Variants in DLGAP1 observed in about 807,000 individuals in gnomAD.
DLGAP1 encodes the protein DLG associated protein 1.
In DLGAP1, 11 loss-of-function variants were observed where a neutral mutation model predicts 90.8. The observed-to-expected ratio is 0.12, with a 90% confidence interval of 0.08 to 0.20. The LOEUF (loss-of-function observed/expected upper bound fraction) is 0.20, where lower values mean the gene tolerates loss of function less well. Among genes scored for constraint, DLGAP1 ranks in the 10% least tolerant of loss-of-function variants. The probability of loss-of-function intolerance (pLI) is 1.00; values close to 1 mark genes in which losing one functional copy is unlikely to be tolerated. For missense variants in DLGAP1, 1,050 were observed against 1,333.8 expected (o/e 0.79, Z 3.31); for synonymous variants, 558 against 540.7 (o/e 1.03, Z -0.44).
chr18:3,818,186 C>T (rs569218211), intron 4 of DLGAP1, among the ~76,000 whole-genome samples: 1 of 152,124 alleles, frequency 6.6e-6, no homozygotes, highest in Admixed American at 6.5e-5. Context: ...TTTGATGAAA[C>T]AAAATGAGGA....
intron 2 of DLGAP1, among the ~76,000 whole-genome samples, chr18:4,066,116 G>C (rs2075366933): frequency 6.6e-6 from 1 of 152,012 alleles, no homozygotes; most frequent in African/African-American, 2.4e-5. Flanking sequence ...ATATGCAGAA[G>C]ACTAAAACTG....
intron 5 of DLGAP1, among the ~76,000 whole-genome samples, chr18:3,755,863 A>G (rs1431957673): frequency 2.0e-5 from 3 of 152,224 alleles, no homozygotes; most frequent in African/African-American, 7.2e-5. Context: ...ACCAGAATAC[A>G]TACTATTTTC....
At chr18:4,237,163 A>G (rs889435636) in intron 1 of DLGAP1, among the ~76,000 whole-genome samples, 1 of 152,190 alleles carries the variant, frequency 6.6e-6, no homozygotes, top group South Asian at 2.1e-4. Context: ...GAACTCGCCA[A>G]TTAATTACCA....
At chr18:4,283,720 A>C (rs575017591) in intron 1 of DLGAP1, among the ~76,000 whole-genome samples, 4 of 152,346 alleles carry the variant, frequency 2.6e-5, no homozygotes, top group Admixed American at 6.5e-5. Flanking sequence ...TGAAGATAAA[A>C]TTCATAGACA....
At position 3,763,156 on chromosome 18, in the gene DLGAP1, C is replaced by T. The variant is rs138509286; in HGVS notation, c.1173-20644G>A. On this transcript the variant is annotated intron_variant, in intron 5 of 12. Coordinates refer to ENST00000315677, the MANE Select transcript of DLGAP1 (RefSeq NM_004746.4). ...GACCCACCCTTAATTTGGGTGGACA[C>T]CATCTAATCAGCTGCCAGCCCAGCC... Among the ~76,000 whole-genome samples, 162 of 152,280 alleles carry T rather than the reference C, an allele frequency of 1.1e-3. 1 individual carries two copies. The highest frequency in any genetic ancestry group is 3.8e-3 in the African/African-American group (157 of 41,584).
At chr18:3,552,814 T>C (rs2053550203) in intron 9 of DLGAP1, among the ~76,000 whole-genome samples, 1 of 152,184 alleles carries the variant, frequency 6.6e-6, no homozygotes, top group Non-Finnish European at 1.5e-5. Flanking sequence ...GAGCGCCCAA[T>C]GCCACCCATC....
chr18:3,682,864 T>C (rs2060569259), intron 7 of DLGAP1, among the ~76,000 whole-genome samples: 1 of 151,872 alleles, frequency 6.6e-6, no homozygotes, highest in Admixed American at 6.6e-5. Flanking sequence ...TCTTTCTTTT[T>C]TTTTTTTTTC....
chr18:3,779,206 A>C (rs969044554), intron 5 of DLGAP1, among the ~76,000 whole-genome samples: 1 of 152,028 alleles, frequency 6.6e-6, no homozygotes, highest in Non-Finnish European at 1.5e-5. Context: ...GGAAGGATTA[A>C]TCCTTAAAAG....
chr18:4,209,386 T>A (rs557492342), intron 1 of DLGAP1, among the ~76,000 whole-genome samples: 1 of 152,332 alleles, frequency 6.6e-6, no homozygotes, highest in South Asian at 2.1e-4. Context: ...AAGTTATATA[T>A]GTACGAGTCA....
intron 8 of DLGAP1, among the ~76,000 whole-genome samples, chr18:3,568,754 T>C (rs1351328217): frequency 1.3e-5 from 2 of 152,248 alleles, no homozygotes; most frequent in South Asian, 4.1e-4. Flanking sequence ...TGGCACGATC[T>C]CGGCTCACCG....
At chr18:3,702,829 C>T (rs1487774531) in intron 7 of DLGAP1, among the ~76,000 whole-genome samples, 4 of 152,094 alleles carry the variant, frequency 2.6e-5, no homozygotes, top group Admixed American at 6.5e-5. Flanking sequence ...ATGACAGGCT[C>T]GCTCCTGCAG....
intron 1 of DLGAP1, among the ~76,000 whole-genome samples, chr18:4,354,563 C>A (rs945086311): frequency 6.6e-6 from 1 of 152,134 alleles, no homozygotes; most frequent in African/African-American, 2.4e-5. Flanking sequence ...GCTCCCATGT[C>A]ACGCAAACCT....
intron 4 of DLGAP1, among the ~76,000 whole-genome samples, chr18:3,851,891 T>A (rs2069363325): frequency 6.6e-6 from 1 of 152,098 alleles, no homozygotes; most frequent in Non-Finnish European, 1.5e-5. Context: ...AACAGGAGGT[T>A]ACTGGTACAC....
intron 5 of DLGAP1, among the ~76,000 whole-genome samples, chr18:3,808,644 A>G (rs1486217739): frequency 6.6e-6 from 1 of 152,194 alleles, no homozygotes. Flanking sequence ...AATACAGTTC[A>G]TATCTTTGGG....
chr18:3,554,595 G>C (rs1379609307), intron 9 of DLGAP1, among the ~76,000 whole-genome samples: 1 of 152,226 alleles, frequency 6.6e-6, no homozygotes, highest in East Asian at 1.9e-4. Context: ...ATGGCATTTT[G>C]AGAATGTCAT....
At chr18:3,969,550 A>G (rs2073401311) in intron 3 of DLGAP1, among the ~76,000 whole-genome samples, 1 of 152,242 alleles carries the variant, frequency 6.6e-6, no homozygotes, top group Admixed American at 6.5e-5. Flanking sequence ...TATTTGTAAA[A>G]GAGATCCAGA....
At chr18:3,627,938 G>A (rs1285101093) in intron 7 of DLGAP1, among the ~76,000 whole-genome samples, 10 of 146,700 alleles carry the variant, frequency 6.8e-5, no homozygotes, top group Non-Finnish European at 1.3e-4. Context: ...AGTGCAATGG[G>A]GCGATCTCGG....
intron 1 of DLGAP1, among the ~76,000 whole-genome samples, chr18:4,269,636 G>A (rs530609756): frequency 9.2e-5 from 14 of 152,142 alleles, no homozygotes; most frequent in South Asian, 6.2e-4. Context: ...TTACAGGCGT[G>A]AGCCACCGCG....
intron 9 of DLGAP1, among the ~76,000 whole-genome samples, chr18:3,543,655 A>G (rs2052837730): frequency 6.6e-6 from 1 of 152,238 alleles, no homozygotes; most frequent in Non-Finnish European, 1.5e-5. Flanking sequence ...ACCTGGCAAA[A>G]TATATGAAAC....
Sources: allele counts gnomAD v4.1 joint callset (sites outside exome capture counted in the v4.1 genomes callset), GRCh38; gene constraint gnomAD v4.1.1; transcripts MANE v1.5; gene names NCBI Gene and HGNC (gene_info 2026-07-23, HGNC 2026-07-21).